Variants in DYSF observed in about 807,000 individuals in gnomAD.
The protein encoded by DYSF is dystrophy-associated fer-1-like 1.
In DYSF, 212 loss-of-function variants were observed where a neutral mutation model predicts 274.9. The ratio of observed to expected loss-of-function variants is 0.77; its 90% CI spans 0.69 to 0.86. The LOEUF (loss-of-function observed/expected upper bound fraction) is 0.86, where lower values mean the gene tolerates loss of function less well. Among genes scored for constraint, DYSF ranks in the 40% least tolerant of loss-of-function variants. The pLI is 0.00. For missense variants in DYSF, 2,666 were observed against 2,783.2 expected, an observed-to-expected ratio of 0.96 and a Z score of 0.95; for synonymous variants, 1,091 against 1,078.7, an observed-to-expected ratio of 1.01 and a Z score of -0.22.
intron 14 of DYSF, among the ~76,000 whole-genome samples, chr2:71,532,595 C>T (rs1451795016): frequency 6.6e-6 from 1 of 152,080 alleles, no homozygotes; most frequent in Non-Finnish European, 1.5e-5. Flanking sequence ...AGCCCCCAGA[C>T]CCACATCCTG....
At chr2:71,484,651 G>C (rs2083222050) in intron 3 of DYSF, among the ~76,000 whole-genome samples, 1 of 152,090 alleles carries the variant, frequency 6.6e-6, no homozygotes, top group Non-Finnish European at 1.5e-5. Context: ...TGACCACCTT[G>C]CTTTATCCAC....
In DYSF at chr2:71,656,164, C is replaced by A; in HGVS notation, c.4629C>A (p.Val1543=). The change falls in exon 43 of 56, where the codon GTC becomes GTA. Residue 1543 remains valine (V), a splice_region_variant and synonymous_variant. Coordinates refer to ENST00000410020, the MANE Select transcript of DYSF (RefSeq NM_001130987.2). ...CCTCTAATCCCCATGTGTGGCAGGTCTATGACACACAGCTGGAGAATGTGG... is the reference window on the plus strand; with the variant it reads ...CCTCTAATCCCCATGTGTGGCAGGTATATGACACACAGCTGGAGAATGTGG... ...YLEKDFDTLK[V]YDTQLENVEA... 1 of 1,614,096 alleles carries A rather than the reference C, an allele frequency of 6.2e-7. No homozygotes were observed. Among genetic ancestry groups the A allele is most frequent in the Non-Finnish European group, 8.5e-7 (1 of 1,180,022 alleles).
Position 71,481,919 on chromosome 2 carries a change from G to T in DYSF, c.188G>T (p.Gly63Val), listed in dbSNP as rs1331824855. ...WDLKGIPLDQ[G>V]SELHVVVKDH... Reference sequence around the variant, plus strand: ...CTCAAGGGCATCCCCCTGGACCAGGGCTCTGAGCTTCATGTGGTGGTCAAA... The same window carrying T: ...CTCAAGGGCATCCCCCTGGACCAGGTCTCTGAGCTTCATGTGGTGGTCAAA... The change falls in exon 3 of 56, where the codon GGC becomes GTC. Residue 63 changes from glycine to valine, a missense_variant. Coordinates refer to ENST00000410020, the MANE Select transcript of DYSF (RefSeq NM_001130987.2). The T allele has an allele frequency of 8.1e-6, 13 of 1,614,192 alleles. No individual in the cohort carries two copies. Among genetic ancestry groups the T allele is most frequent in the Non-Finnish European group, 1.1e-5 (13 of 1,180,034 alleles).
At position 71,535,257 on chromosome 2, in the gene DYSF, T is replaced by C. The variant is rs1280311600; in HGVS notation, c.1450-11T>C. The C allele has an allele frequency of 6.2e-7, 1 of 1,613,940 alleles. No homozygotes were observed. Among genetic ancestry groups the C allele is most frequent in the Non-Finnish European group, 8.5e-7 (1 of 1,179,830 alleles). On this transcript the variant is annotated splice_polypyrimidine_tract_variant and intron_variant, in intron 15 of 55. Coordinates refer to ENST00000410020, the MANE Select transcript of DYSF (RefSeq NM_001130987.2). ...GACTCTTCTCCCAACACGCCTCTATTCCTTCCTCAGTTTCCCTCCATGTGC... is the reference window on the plus strand; with the variant it reads ...GACTCTTCTCCCAACACGCCTCTATCCCTTCCTCAGTTTCCCTCCATGTGC...
chr2:71,526,561 G>A (rs906899458), intron 13 of DYSF, among the ~76,000 whole-genome samples: 5 of 152,224 alleles, frequency 3.3e-5, no homozygotes, highest in Admixed American at 1.3e-4. Context: ...CCATTCCAAT[G>A]TCCTCTGGGC....
At chr2:71,622,130 G>GTTTTTTTTTTTTGTTTTTTTTTTT (rs2094119070) in intron 41 of DYSF, among the ~76,000 whole-genome samples, 1 of 97,004 alleles carries the variant, frequency 1.0e-5, no homozygotes, top group Admixed American at 1.3e-4. Flanking sequence ...TGATTTCTTT[G>GTTTTTTTTTTTTGTTTTTTTTTTT]TTTTTTTTTT....
chr2:71,645,188 C>T (rs530058913), intron 42 of DYSF, among the ~76,000 whole-genome samples: 115 of 152,276 alleles, frequency 7.6e-4, no homozygotes, highest in African/African-American at 2.3e-3. Context: ...TTCTGTATCC[C>T]GGGGTTTCTT....
chr2:71,478,483 T>C (rs1385193921), intron 1 of DYSF, among the ~76,000 whole-genome samples: 2 of 152,066 alleles, frequency 1.3e-5, no homozygotes, highest in Admixed American at 1.3e-4. Context: ...AGTGCTGGGA[T>C]TACAGGTGTG....
At chr2:71,573,012 T>A (rs1397536865) in intron 29 of DYSF, among the ~76,000 whole-genome samples, 4 of 152,330 alleles carry the variant, frequency 2.6e-5, no homozygotes, top group Non-Finnish European at 4.4e-5. Context: ...CAGGGGCCTG[T>A]GCACTGCACA....
intron 46 of DYSF, among the ~76,000 whole-genome samples, chr2:71,664,865 A>C (rs2094966279): frequency 6.6e-6 from 1 of 152,148 alleles, no homozygotes; most frequent in Non-Finnish European, 1.5e-5. Context: ...GCATGTGAGG[A>C]CTGCACCCCT....
At chr2:71,679,347 TC>T (rs1186583059) in intron 53 of DYSF, 112 bp downstream of exon 53, 3 of 1,065,752 alleles carry the variant, frequency 2.8e-6, no homozygotes, top group Non-Finnish European at 4.1e-6. Context: ...TCCTCCTTTC[TC>T]CCCCTCTCCT....
chr2:71,505,864 G>A (rs1209473014), intron 4 of DYSF, among the ~76,000 whole-genome samples: 1 of 152,258 alleles, frequency 6.6e-6, no homozygotes, highest in Non-Finnish European at 1.5e-5. Flanking sequence ...AAGAGCCTAC[G>A]AAGCCCAGTG....
intron 1 of DYSF, among the ~76,000 whole-genome samples, chr2:71,455,611 T>C (rs1281755783): frequency 1.3e-5 from 2 of 152,208 alleles, no homozygotes; most frequent in East Asian, 3.8e-4. Flanking sequence ...TCTGGGCTCC[T>C]GGTGCACAAC....
intron 42 of DYSF, among the ~76,000 whole-genome samples, chr2:71,651,348 C>T (rs2094656330): frequency 6.6e-6 from 1 of 152,112 alleles, no homozygotes; most frequent in South Asian, 2.1e-4. Context: ...GCAATGAAAA[C>T]AGGGACATAA....
chr2:71,600,099 G>C (rs936532302), intron 33 of DYSF, among the ~76,000 whole-genome samples: 1 of 152,232 alleles, frequency 6.6e-6, no homozygotes, highest in Non-Finnish European at 1.5e-5. Flanking sequence ...GCAGCGGTAT[G>C]AGCTGCAGGC....
At chr2:71,610,909 A>G in intron 36 of DYSF, 1 of 390,486 alleles carries the variant, frequency 2.6e-6, no homozygotes, top group Non-Finnish European at 4.9e-6. Flanking sequence ...GTGTGCACGC[A>G]TATGCTGTGT....
intron 30 of DYSF, among the ~76,000 whole-genome samples, chr2:71,587,443 T>C (rs1292591547): frequency 2.6e-5 from 4 of 152,196 alleles, no homozygotes; most frequent in African/African-American, 9.7e-5. Context: ...TCAACAAATA[T>C]GAGTGATGTG....
chr2:71,542,853 C>T (rs1295844631), intron 17 of DYSF, among the ~76,000 whole-genome samples: 5 of 152,254 alleles, frequency 3.3e-5, no homozygotes, highest in Non-Finnish European at 7.3e-5. Context: ...AAACCGCCAT[C>T]ATCATCATGG....
intron 30 of DYSF, among the ~76,000 whole-genome samples, chr2:71,580,808 G>A (rs1242633510): frequency 2.0e-5 from 3 of 152,306 alleles, no homozygotes; most frequent in South Asian, 2.1e-4. Flanking sequence ...CTCTAAATGC[G>A]TGGACCCTGC....
Sources: gnomAD v4.1 joint callset for allele counts (sites outside exome capture counted in the v4.1 genomes callset) on GRCh38, gnomAD v4.1.1 for gene constraint, MANE v1.5 for transcripts, NCBI Gene and HGNC (gene_info 2026-07-23, HGNC 2026-07-21) for gene names.